The following CACNA2D3 variants were observed in gnomAD, a reference collection of about 807,000 sequenced individuals.
CACNA2D3 encodes the protein calcium voltage-gated channel auxiliary subunit alpha2delta 3.
Under a neutral mutation model 160.6 loss-of-function variants are expected in CACNA2D3, and 60 were observed. The observed-to-expected ratio is 0.37, with a 90% CI of 0.30 to 0.46. CACNA2D3 has a LOEUF of 0.46. Ranked by LOEUF, CACNA2D3 falls within the 20% of genes least tolerant of loss-of-function variation. CACNA2D3 has a pLI of 1.00. For synonymous variants in CACNA2D3, 558 were observed against 492.9 expected (o/e 1.13, Z -1.75); for missense variants, 1,205 against 1,365.0 (o/e 0.88, Z 1.85).
intron 13 of CACNA2D3, among the ~76,000 whole-genome samples, chr3:54,791,397 A>G (rs970848836): frequency 2.0e-5 from 3 of 152,240 alleles, no homozygotes; most frequent in African/African-American, 4.8e-5. Flanking sequence ...AGGGAAAATA[A>G]CAAGGAAGAG....
At chr3:54,502,249 C>T (rs1414964395) in intron 4 of CACNA2D3, among the ~76,000 whole-genome samples, 1 of 152,158 alleles carries the variant, frequency 6.6e-6, no homozygotes, top group Non-Finnish European at 1.5e-5. Context: ...AGTCTGGTGT[C>T]CCATTACACA....
At position 54,403,574 on chromosome 3, in the gene CACNA2D3, A is replaced by G. The variant is rs147651344; in HGVS notation, c.381+16800A>G. On this transcript the variant is annotated intron_variant, in intron 4 of 37. Coordinates refer to ENST00000474759, the MANE Select transcript of CACNA2D3 (RefSeq NM_018398.3). ...AAAGATTTTAAATAAGTAGCCCAAC[A>G]TTACACCTCAAGGAACTAGAAAAAG... 2.2e-3 allele frequency among the ~76,000 whole-genome samples: 329 copies of G among 152,310 alleles called. 2 individuals are homozygous for G. The highest frequency in any genetic ancestry group is 7.1e-3 in the African/African-American group (295 of 41,570).
At chr3:54,713,429 T>C (rs1700991170) in intron 11 of CACNA2D3, among the ~76,000 whole-genome samples, 1 of 152,122 alleles carries the variant, frequency 6.6e-6, no homozygotes, top group Non-Finnish European at 1.5e-5. Flanking sequence ...CACATAAAAG[T>C]GGCCAATAGA....
intron 29 of CACNA2D3, among the ~76,000 whole-genome samples, chr3:54,980,857 TTTTTA>T (rs1264681353): frequency 6.6e-6 from 1 of 152,256 alleles, no homozygotes; most frequent in African/African-American, 2.4e-5. Flanking sequence ...TTTGAAGGTA[TTTTTA>T]TTTTATCAAT....
intron 3 of CACNA2D3, among the ~76,000 whole-genome samples, chr3:54,385,642 C>T (rs181774109): frequency 3.4e-4 from 51 of 152,222 alleles, no homozygotes; most frequent in Admixed American, 3.3e-3. Context: ...TTAAAGTTAC[C>T]CGAATGTATT....
intron 2 of CACNA2D3, among the ~76,000 whole-genome samples, chr3:54,176,552 A>G (rs1201412310): frequency 1.3e-5 from 2 of 152,222 alleles, no homozygotes; most frequent in Non-Finnish European, 1.5e-5. Context: ...AGTGGTATGC[A>G]CACCTGAGTT....
intron 3 of CACNA2D3, among the ~76,000 whole-genome samples, chr3:54,378,256 C>G (rs1416994624): frequency 6.6e-6 from 1 of 152,176 alleles, no homozygotes; most frequent in Admixed American, 6.5e-5. Context: ...GCTGTTCCAC[C>G]TCAGATAATC....
At chr3:54,542,352 A>G (rs748735274) in intron 5 of CACNA2D3, among the ~76,000 whole-genome samples, 10 of 151,920 alleles carry the variant, frequency 6.6e-5, no homozygotes, top group East Asian at 1.9e-4. Flanking sequence ...GAGCCACCAC[A>G]CCCAGCCTGA....
intron 11 of CACNA2D3, among the ~76,000 whole-genome samples, chr3:54,739,792 TGTGG>T (rs1268350698): frequency 1.4e-5 from 2 of 145,698 alleles, no homozygotes; most frequent in African/African-American, 2.5e-5. Flanking sequence ...TGTGTGTGTG[TGTGG>T]AATTATATAT....
chr3:54,402,007 C>G (rs1035960750), intron 4 of CACNA2D3, among the ~76,000 whole-genome samples: 4 of 151,886 alleles, frequency 2.6e-5, no homozygotes, highest in Non-Finnish European at 4.4e-5. Flanking sequence ...TGGGAGAGGG[C>G]AAAAGTCAAG....
chr3:54,891,604 C>A (rs1217476171), intron 25 of CACNA2D3, among the ~76,000 whole-genome samples, 154 bp downstream of exon 25: 2 of 152,212 alleles, frequency 1.3e-5, no homozygotes, highest in African/African-American at 4.8e-5. Context: ...TTCTACCATG[C>A]GGGCCCCAGC....
At position 54,871,614 on chromosome 3, in the gene CACNA2D3, G is replaced by A. The variant is rs1422207990; in HGVS notation, c.1702G>A (p.Asp568Asn). 7 of 1,611,816 alleles carry A rather than the reference G, an allele frequency of 4.3e-6. No individual in the cohort carries two copies. The African/African-American group carries it at 5.3e-5, about 12-fold the overall frequency. Residue 568 changes from aspartate to asparagine, a missense_variant, in exon 18 of 38, where the codon GAT (aspartate) becomes AAT (asparagine). This residue lies in a region of CACNA2D3 where 911 missense variants were observed against 1,002.2 expected (regional missense o/e 0.91). Coordinates refer to ENST00000474759, the MANE Select transcript of CACNA2D3 (RefSeq NM_018398.3). ...CTCTGAGGTGGAGTGGGAAGACCGA[G>A]ATGACGTGGTAAGTGATTTGTTTTC... The part of the protein sequence containing the change: ...DLSEVEWEDR[D>N]DVLRNAMVNR...
chr3:54,199,513 G>A (rs1198614978), intron 2 of CACNA2D3, among the ~76,000 whole-genome samples: 1 of 151,658 alleles, frequency 6.6e-6, no homozygotes, highest in Non-Finnish European at 1.5e-5. Flanking sequence ...CGTGCTACCC[G>A]TCCCCTCCGC....
chr3:54,269,454 G>A (rs1031931720), intron 2 of CACNA2D3, among the ~76,000 whole-genome samples: 2 of 152,118 alleles, frequency 1.3e-5, no homozygotes, highest in South Asian at 2.1e-4. Flanking sequence ...AGCACTTACT[G>A]TGTACTGCAT....
chr3:54,280,360 C>T (rs912964992), intron 2 of CACNA2D3, among the ~76,000 whole-genome samples: 2 of 152,140 alleles, frequency 1.3e-5, no homozygotes, highest in Non-Finnish European at 1.5e-5. Flanking sequence ...GGATTACAGG[C>T]GTGAGCCACC....
At chr3:54,371,730 TC>T (rs1684739858) in intron 3 of CACNA2D3, among the ~76,000 whole-genome samples, 1 of 152,210 alleles carries the variant, frequency 6.6e-6, no homozygotes, top group Non-Finnish European at 1.5e-5. Context: ...AACTTTGTGG[TC>T]ATCAAACATA....
chr3:54,764,462 C>G, intron 13 of CACNA2D3, 111 bp downstream of exon 13: 2 of 1,332,548 alleles, frequency 1.5e-6, no homozygotes, highest in Non-Finnish European at 2.1e-6. Context: ...TTCAGTGACA[C>G]TTTTCTTGAT....
At chr3:54,642,850 C>T (rs1699553095) in intron 11 of CACNA2D3, among the ~76,000 whole-genome samples, 1 of 152,196 alleles carries the variant, frequency 6.6e-6, no homozygotes, top group Non-Finnish European at 1.5e-5. Flanking sequence ...TCAGAGGTTT[C>T]TCAAGCTGTT....
chr3:54,393,233 T>C (rs1699313466), intron 4 of CACNA2D3, among the ~76,000 whole-genome samples: 1 of 152,198 alleles, frequency 6.6e-6, no homozygotes, highest in African/African-American at 2.4e-5. Context: ...TGGAGACTTG[T>C]AGTGCTCTCC....
Sources: allele counts gnomAD v4.1 joint callset (sites outside exome capture counted in the v4.1 genomes callset), GRCh38; gene constraint gnomAD v4.1.1; regional missense constraint gnomAD v4.1.1; transcripts MANE v1.5; gene names NCBI Gene and HGNC (gene_info 2026-07-23, HGNC 2026-07-21).